Variants in ALDH3A2 observed in about 807,000 individuals in gnomAD.
ALDH3A2 encodes aldehyde dehydrogenase 3 family member A2, also known as aldehyde dehydrogenase family 3 member A2.
In ALDH3A2, 36 loss-of-function variants were observed where a neutral mutation model predicts 51.3. That is an observed-to-expected ratio of 0.70 (90% confidence interval 0.54 to 0.93). The LOEUF is 0.93. Among genes scored for constraint, ALDH3A2 ranks in the 40% least tolerant of loss-of-function variants. The pLI is 0.00. For synonymous variants in ALDH3A2, 199 were observed against 219.8 expected (o/e 0.91, Z 0.84); for missense variants, 552 against 603.1 (o/e 0.92, Z 0.89).
chr17:19,654,904 A>G lies in ALDH3A2; in HGVS notation c.472-1462A>G, dbSNP rs1426183900. Among the ~76,000 whole-genome samples the G allele has an allele frequency of 6.6e-6, 1 of 152,220 alleles. No homozygotes were observed. Among genetic ancestry groups the G allele is most frequent in the Non-Finnish European group, 1.5e-5 (1 of 68,040 alleles). On this transcript the variant is annotated intron_variant, in intron 3 of 9. Coordinates refer to ENST00000176643, the MANE Select transcript of ALDH3A2 (RefSeq NM_000382.3). This position sits in a 1 kb window ranked among gnomAD's most constrained non-coding sequence, Gnocchi z 4.5. Reference sequence around the variant, plus strand: ...TATAAGAGTACTTCTGCTTTCAAAAAAGACATGTCTGTGGCATGAAAACAT... The same window carrying G: ...TATAAGAGTACTTCTGCTTTCAAAAGAGACATGTCTGTGGCATGAAAACAT...
chr17:19,648,905 C>G lies in ALDH3A2; in HGVS notation c.-67C>G. 6.5e-7 allele frequency: 1 copy of G among 1,530,848 alleles called. No homozygotes were observed. Among genetic ancestry groups the G allele is most frequent in the Admixed American group, 2.0e-5 (1 of 50,882 alleles). The allele number at this position is 1,530,848 out of a possible 1,614,324, so 94.8% of individuals were successfully genotyped here. ...GGAGGGAAGGGAGGCGAGGCCTGCA[C>G]CTGCATGCTTCCCGCCTCCCACTCC... On this transcript the variant is annotated 5_prime_UTR_variant, in exon 1 of 10. Coordinates refer to ENST00000176643, the MANE Select transcript of ALDH3A2 (RefSeq NM_000382.3).
chr17:19,677,447 T>C lies in ALDH3A2; in HGVS notation c.*1875T>C, dbSNP rs2085208011. On this transcript the variant is annotated 3_prime_UTR_variant, in exon 10 of 10. Transcript: ENST00000176643. Reference sequence around the variant, plus strand: ...TTTAAATTATTGGCTTGTCTACTAATACACATCTGCTTCAAAATGAACATA... The same window carrying C: ...TTTAAATTATTGGCTTGTCTACTAACACACATCTGCTTCAAAATGAACATA... 1 of 151,934 alleles carries C rather than the reference T, an allele frequency of 6.6e-6. No homozygotes were observed. Among genetic ancestry groups the C allele is most frequent in the Non-Finnish European group, 1.5e-5 (1 of 67,978 alleles). The allele number at this position is 151,934 out of a possible 1,614,324, so 9.4% of individuals were successfully genotyped here.
intron 8 of ALDH3A2, among the ~76,000 whole-genome samples, chr17:19,667,342 G>A (rs1336894181): frequency 1.3e-5 from 2 of 151,672 alleles, no homozygotes; most frequent in Non-Finnish European, 2.9e-5. Context: ...AATTTTTTTG[G>A]TATTACGATT....
rs138764693 is a variant in ALDH3A2 at position 19,660,021 on chromosome 17, G to T, written c.799-1106G>T. Among the ~76,000 whole-genome samples, 798 of 152,140 alleles carry T rather than the reference G, an allele frequency of 5.2e-3. 10 individuals are homozygous for T. Among genetic ancestry groups the T allele is most frequent in the African/African-American group, 0.018 (753 of 41,510 alleles). ...CAGATGAGCACATGAAGGGAGAGTT[G>T]CCCAGATTCAGGGTATGTGGGAAGA... On this transcript the variant is annotated intron_variant, in intron 5 of 9. Coordinates refer to ENST00000176643, the MANE Select transcript of ALDH3A2 (RefSeq NM_000382.3).
At chr17:19,670,895 G>T (rs544981502) in intron 8 of ALDH3A2, among the ~76,000 whole-genome samples, 30 of 152,178 alleles carry the variant, frequency 2.0e-4, no homozygotes, top group Admixed American at 1.9e-3. Flanking sequence ...TCAGAGTTAG[G>T]GTTTCTCATG....
At chr17:19,656,256 A>T in intron 3 of ALDH3A2, 110 bp from the exon 4 acceptor site, 1 of 1,011,868 alleles carries the variant, frequency 9.9e-7, no homozygotes, top group Non-Finnish European at 1.5e-6. Context: ...ACTGGTCTTG[A>T]CACTCTCTGG....
Position 19,649,008 on chromosome 17 carries a change from C to G in ALDH3A2, c.37C>G (p.Leu13Val). The change falls in exon 1 of 10, where the codon CTG becomes GTG. Residue 13 changes from leucine to valine, a missense_variant. Coordinates refer to ENST00000176643, the MANE Select transcript of ALDH3A2 (RefSeq NM_000382.3). ...LEVRRVRQAF[L>V]SGRSRPLRFR... ...AGTCCGGCGGGTCCGACAGGCGTTCCTGTCCGGCCGGTCGCGACCTCTGCG... is the reference window on the plus strand; with the variant it reads ...AGTCCGGCGGGTCCGACAGGCGTTCGTGTCCGGCCGGTCGCGACCTCTGCG... 1 of 1,584,516 alleles carries G rather than the reference C, an allele frequency of 6.3e-7. No individual in the cohort carries two copies. Among genetic ancestry groups the G allele is most frequent in the Non-Finnish European group, 8.6e-7 (1 of 1,165,974 alleles).
chr17:19,662,486 C>T (rs557848628), intron 6 of ALDH3A2, among the ~76,000 whole-genome samples: 3 of 152,282 alleles, frequency 2.0e-5, no homozygotes, highest in Admixed American at 2.0e-4. Context: ...GGTTGACGAG[C>T]CAGTTTCTTA....
rs983835482 is a variant in ALDH3A2 at position 19,654,838 on chromosome 17, C to T, written c.472-1528C>T. 2.6e-5 allele frequency among the ~76,000 whole-genome samples: 4 copies of T among 152,076 alleles called. No individual in the cohort carries two copies. The highest frequency in any genetic ancestry group is 5.9e-5 in the Non-Finnish European group (4 of 67,996). ...GCCAAGGCCAAGGAGGTGCTGAGAG[C>T]GAGCAAGGGTTGCCCGCACGCTCTC... On this transcript the variant is annotated intron_variant, in intron 3 of 9. Transcript: ENST00000176643. This position sits in a 1 kb window ranked among gnomAD's most constrained non-coding sequence, Gnocchi z 4.5.
chr17:19,664,277 G>A (rs1300503226), intron 7 of ALDH3A2, among the ~76,000 whole-genome samples: 2 of 152,226 alleles, frequency 1.3e-5, no homozygotes, highest in African/African-American at 4.8e-5. Context: ...CCCTGAAGCC[G>A]AAAGTAGGCT....
intron 1 of ALDH3A2, among the ~76,000 whole-genome samples, 153 bp from the exon 2 acceptor site, chr17:19,651,394 G>A (rs543278305): frequency 1.3e-5 from 2 of 152,326 alleles, no homozygotes; most frequent in South Asian, 2.1e-4. Context: ...TACCAGGGGC[G>A]TGAAGGGTGC....
chr17:19,655,361 C>T lies in ALDH3A2; in HGVS notation c.472-1005C>T, dbSNP rs538317985. The T allele has an allele frequency of 9.2e-5, 14 of 152,246 alleles. 1 individual carries two copies. The highest frequency in any genetic ancestry group is 7.8e-4 in the Admixed American group (12 of 15,292). The allele number at this position is 152,246 out of a possible 1,614,324, so 9.4% of individuals were successfully genotyped here. On this transcript the variant is annotated intron_variant, in intron 3 of 9. Coordinates refer to ENST00000176643, the MANE Select transcript of ALDH3A2 (RefSeq NM_000382.3). ...GTGAGATGTCAAGGATTGAATAGGA[C>T]GTAGAACCAGAAGATAGAGGTTGAA...
At position 19,654,337 on chromosome 17, in the gene ALDH3A2, A is replaced by T. The variant is rs1376649808; in HGVS notation, c.471+1705A>T. Among the ~76,000 whole-genome samples the T allele has an allele frequency of 6.6e-6, 1 of 152,220 alleles. No individual in the cohort carries two copies. Among genetic ancestry groups the T allele is most frequent in the East Asian group, 1.9e-4 (1 of 5,192 alleles). ...GCACCCCTCAGCCCTTGGGCGGTCG[A>T]TGGGACTGGGCGCTGTGGAGCAGGG... On this transcript the variant is annotated intron_variant, in intron 3 of 9. Coordinates refer to ENST00000176643, the MANE Select transcript of ALDH3A2 (RefSeq NM_000382.3). This position sits in a 1 kb window ranked among gnomAD's most constrained non-coding sequence, Gnocchi z 4.5.
At chr17:19,675,455 CAGG>C (rs2085175324) in intron 9 of ALDH3A2, 100 bp from the exon 10 acceptor site, 2 of 1,156,844 alleles carry the variant, frequency 1.7e-6, no homozygotes, top group Admixed American at 1.7e-5. Context: ...TCTCTTCAGA[CAGG>C]AGGTGTCTGA....
chr17:19,651,153 A>G (rs1052955506), intron 1 of ALDH3A2, among the ~76,000 whole-genome samples: 3 of 152,226 alleles, frequency 2.0e-5, no homozygotes, highest in Non-Finnish European at 4.4e-5. Flanking sequence ...GTTAAGGATG[A>G]ATATTAAGAT....
intron 9 of ALDH3A2, chr17:19,675,353 T>G (rs1440455478): frequency 1.6e-6 from 1 of 614,312 alleles, no homozygotes; most frequent in Non-Finnish European, 2.9e-6. Context: ...GTTATTGTTG[T>G]TTTTTGAGGA....
At chr17:19,653,167 C>T (rs1005914875) in intron 3 of ALDH3A2, among the ~76,000 whole-genome samples, 6 of 151,820 alleles carry the variant, frequency 4.0e-5, no homozygotes, top group Non-Finnish European at 7.4e-5. Flanking sequence ...GCCTCAGCCT[C>T]CCAAGTAGCT....
chr17:19,658,613 G>A (rs2084928003), intron 5 of ALDH3A2, among the ~76,000 whole-genome samples: 1 of 151,982 alleles, frequency 6.6e-6, no homozygotes, highest in Non-Finnish European at 1.5e-5. Flanking sequence ...TGTAATTCCA[G>A]CTACTCAGGA....
At chr17:19,658,186 A>G (rs1271058511) in intron 5 of ALDH3A2, among the ~76,000 whole-genome samples, 1 of 152,216 alleles carries the variant, frequency 6.6e-6, no homozygotes, top group African/African-American at 2.4e-5. Flanking sequence ...AGGTATAATC[A>G]GAGAGACTCT....
Sources: allele counts gnomAD v4.1 joint callset (sites outside exome capture counted in the v4.1 genomes callset), GRCh38; gene constraint gnomAD v4.1.1; non-coding constraint Gnocchi (gnomAD v3.1); transcripts MANE v1.5; gene names NCBI Gene and HGNC (gene_info 2026-07-23, HGNC 2026-07-21).